The following IQGAP2 variants were observed in gnomAD, a reference collection of about 807,000 sequenced individuals.
The protein encoded by IQGAP2 is ras GTPase-activating-like protein IQGAP2.
IQGAP2 carries 173 observed loss-of-function variants against 201.3 expected under a neutral mutation model. The ratio of observed to expected loss-of-function variants is 0.86; its 90% CI spans 0.76 to 0.98. IQGAP2 has a LOEUF of 0.98. Ranked by LOEUF, IQGAP2 falls within the 50% of genes least tolerant of loss-of-function variation. The probability of loss-of-function intolerance (pLI) is 0.00; values close to 1 mark genes in which losing one functional copy is unlikely to be tolerated. For synonymous variants in IQGAP2, 675 were observed against 673.9 expected (o/e 1.00, Z -0.03); for missense variants, 1,687 against 1,864.8 (o/e 0.90, Z 1.76).
intron 2 of IQGAP2, among the ~76,000 whole-genome samples, chr5:76,462,455 A>G (rs1335550894): frequency 6.6e-6 from 1 of 152,200 alleles, no homozygotes; most frequent in East Asian, 1.9e-4. Flanking sequence ...GTGAAGATAA[A>G]GAGTCCTAAG....
intron 2 of IQGAP2, among the ~76,000 whole-genome samples, chr5:76,558,680 T>C (rs1223564431): frequency 1.3e-5 from 2 of 152,238 alleles, no homozygotes; most frequent in African/African-American, 4.8e-5. Context: ...TGTTCCTTGT[T>C]CTTCCAGTTT....
chr5:76,640,797 T>C, intron 16 of IQGAP2, 136 bp from the exon 17 acceptor site: 1 of 609,392 alleles, frequency 1.6e-6, no homozygotes, highest in Non-Finnish European at 2.8e-6. Flanking sequence ...CCCTCAGCTC[T>C]GCTTAAATTT....
intron 31 of IQGAP2, 91 bp from the exon 32 acceptor site, chr5:76,695,363 T>C (rs748899479): frequency 4.7e-5 from 52 of 1,115,782 alleles, no homozygotes; most frequent in South Asian, 4.5e-4. Context: ...GAGGACTACT[T>C]TCATTTTGAC....
At chr5:76,443,160 G>C (rs1474891569) in intron 1 of IQGAP2, among the ~76,000 whole-genome samples, 1 of 152,220 alleles carries the variant, frequency 6.6e-6, no homozygotes, top group Non-Finnish European at 1.5e-5. Flanking sequence ...TTGCCCTACA[G>C]AGAGTGACAT....
rs1347478949 is a variant in IQGAP2, at chr5:76,654,868, C to T, written c.2251-66C>T. ...TAAATACTGACAGTTCTTAAATGTT[C>T]TAAATTCAAAAATGATGGAGTAGGT... On this transcript the variant is annotated intron_variant, in intron 19 of 35. Coordinates refer to ENST00000274364, the MANE Select transcript of IQGAP2 (RefSeq NM_006633.5). 5.4e-5 allele frequency: 56 copies of T among 1,046,174 alleles called. No individual in the cohort carries two copies. In the Middle Eastern group the frequency reaches 6.1e-4, roughly 11 times the overall value. 64.8% of individuals were successfully genotyped at this position (1,046,174 alleles called of 1,614,324 possible).
chr5:76,500,348 C>A (rs1757207965), intron 2 of IQGAP2, among the ~76,000 whole-genome samples: 1 of 152,168 alleles, frequency 6.6e-6, no homozygotes, highest in African/African-American at 2.4e-5. Context: ...GACTGTGTGG[C>A]TAAGCATAGC....
At chr5:76,690,909 G>T (rs1207015370) in intron 30 of IQGAP2, among the ~76,000 whole-genome samples, 1 of 152,226 alleles carries the variant, frequency 6.6e-6, no homozygotes, top group African/African-American at 2.4e-5. Context: ...CCATGTGAGT[G>T]CTTACCATGT....
intron 1 of IQGAP2, among the ~76,000 whole-genome samples, chr5:76,420,392 T>C (rs1041609204): frequency 1.3e-5 from 2 of 151,088 alleles, no homozygotes; most frequent in Non-Finnish European, 3.0e-5. Flanking sequence ...TTTTTTTTTT[T>C]TGAGACAGAG....
At chr5:76,475,021 C>G (rs1755330380) in intron 2 of IQGAP2, among the ~76,000 whole-genome samples, 1 of 152,172 alleles carries the variant, frequency 6.6e-6, no homozygotes, top group Admixed American at 6.6e-5. Flanking sequence ...TGAGGTCTGC[C>G]TTTTAACAGA....
rs898999930 is a variant in IQGAP2 at position 76,513,588 on chromosome 5, G to A, written c.147-48808G>A. On this transcript the variant is annotated intron_variant, in intron 2 of 35. Coordinates refer to ENST00000274364, the MANE Select transcript of IQGAP2 (RefSeq NM_006633.5). ...TGAAAGAGTTAGTGGAAGCTATTGG[G>A]CCATCCAAAAGAAGCTAAGGCTGAA... is the stretch of plus-strand genomic sequence containing the variant. Among the ~76,000 whole-genome samples, 21 of 152,274 alleles carry A rather than the reference G, an allele frequency of 1.4e-4. No individual in the cohort carries two copies. The Middle Eastern group carries it at 0.01, about 74-fold the overall frequency.
intron 30 of IQGAP2, chr5:76,691,836 A>T (rs979865465): frequency 6.6e-6 from 1 of 152,218 alleles, no homozygotes; most frequent in Admixed American, 6.5e-5. Context: ...CTATTTTCAA[A>T]AGTAATATAT....
At chr5:76,526,431 AC>A (rs1248044211) in intron 2 of IQGAP2, among the ~76,000 whole-genome samples, 1 of 152,176 alleles carries the variant, frequency 6.6e-6, no homozygotes, top group African/African-American at 2.4e-5. Flanking sequence ...AGAGTTGTCG[AC>A]CCTTAAGGAG....
chr5:76,405,823 A>G (rs1456998272), intron 1 of IQGAP2, among the ~76,000 whole-genome samples: 1 of 152,198 alleles, frequency 6.6e-6, no homozygotes, highest in Admixed American at 6.5e-5. Flanking sequence ...GTTGTGTTCT[A>G]GGGCTGTGCT....
intron 13 of IQGAP2, among the ~76,000 whole-genome samples, chr5:76,621,717 C>A (rs1484518444): frequency 2.0e-5 from 3 of 152,174 alleles, no homozygotes; most frequent in African/African-American, 7.2e-5. Flanking sequence ...GATCTGGGTC[C>A]ACTTAAATAA....
At chr5:76,623,358 T>C (rs1191542564) in intron 13 of IQGAP2, 2 of 1,118,488 alleles carry the variant, frequency 1.8e-6, no homozygotes, top group East Asian at 2.5e-5. Context: ...TTTGCTCTCC[T>C]GTGCCGTGCA....
chr5:76,502,985 T>G (rs1227033519), intron 2 of IQGAP2, among the ~76,000 whole-genome samples: 1 of 151,654 alleles, frequency 6.6e-6, no homozygotes, highest in Admixed American at 6.6e-5. Context: ...GCTCAAGTGA[T>G]CCTCCTTGCT....
intron 2 of IQGAP2, among the ~76,000 whole-genome samples, chr5:76,503,007 A>G (rs1323623258): frequency 1.3e-5 from 2 of 151,858 alleles, no homozygotes; most frequent in Non-Finnish European, 2.9e-5. Context: ...CAGCCTCCCA[A>G]AGTGCTGTGA....
chr5:76,700,195 G>A (rs1463152969), intron 33 of IQGAP2, among the ~76,000 whole-genome samples: 4 of 152,112 alleles, frequency 2.6e-5, no homozygotes, highest in South Asian at 2.1e-4. Flanking sequence ...ACAGTCGGGC[G>A]AATTGGATTT....
chr5:76,497,173 T>G (rs757962153), intron 2 of IQGAP2, among the ~76,000 whole-genome samples: 1 of 152,180 alleles, frequency 6.6e-6, no homozygotes, highest in Non-Finnish European at 1.5e-5. Context: ...AAATATTGGC[T>G]TATATTTTAA....
Sources: allele counts gnomAD v4.1 joint callset (sites outside exome capture counted in the v4.1 genomes callset), GRCh38; gene constraint gnomAD v4.1.1; transcripts MANE v1.5; gene names NCBI Gene and HGNC (gene_info 2026-07-23, HGNC 2026-07-21).